Variants in TBC1D4 observed in about 807,000 individuals in gnomAD.
TBC1D4 encodes TBC (Tre-2, BUB2, CDC16) domain-containing protein.
TBC1D4 carries 121 observed loss-of-function variants against 142.5 expected under a neutral mutation model. The ratio of observed to expected loss-of-function variants is 0.85; its 90% CI spans 0.73 to 0.99. The LOEUF is 0.99. TBC1D4 is among the 50% of genes least tolerant of loss of function. TBC1D4 has a pLI of 0.00. For synonymous variants in TBC1D4, 630 were observed against 628.2 expected, an observed-to-expected ratio of 1.00 and a Z score of -0.04; for missense variants, 1,475 against 1,606.6, an observed-to-expected ratio of 0.92 and a Z score of 1.40.
intron 8 of TBC1D4, among the ~76,000 whole-genome samples, chr13:75,331,330 C>T (rs968287189): frequency 3.4e-5 from 5 of 148,938 alleles, no homozygotes; most frequent in Non-Finnish European, 7.4e-5. Context: ...CCTGTCTGTA[C>T]AAAAAAAAAT....
chr13:75,349,384 G>A, intron 4 of TBC1D4, 82 bp from the exon 5 acceptor site: 4 of 1,553,748 alleles, frequency 2.6e-6, no homozygotes, highest in Middle Eastern at 3.8e-4. Context: ...GTGAGCCTTT[G>A]TTGATGCTGA....
chr13:75,312,424 A>AGAAAGAAAG (rs1555301658), intron 13 of TBC1D4, among the ~76,000 whole-genome samples: 4 of 136,004 alleles, frequency 2.9e-5, no homozygotes, highest in Non-Finnish European at 6.1e-5. Flanking sequence ...GGGAAAAAAA[A>AGAAAGAAAG]AAAGAAAGAA....
intron 8 of TBC1D4, among the ~76,000 whole-genome samples, chr13:75,328,509 T>C (rs916250835): frequency 2.0e-5 from 3 of 152,186 alleles, no homozygotes; most frequent in African/African-American, 7.2e-5. Context: ...TAAGAGATTA[T>C]TCTTTCTGTT....
chr13:75,420,344 CA>C (rs1420259927), intron 1 of TBC1D4, among the ~76,000 whole-genome samples: 1 of 151,924 alleles, frequency 6.6e-6, no homozygotes, highest in Non-Finnish European at 1.5e-5. Context: ...CAGAGAGCCA[CA>C]AAAATAGTTA....
intron 12 of TBC1D4, among the ~76,000 whole-genome samples, chr13:75,319,546 G>A (rs1436562382): frequency 2.6e-5 from 4 of 152,200 alleles, no homozygotes; most frequent in African/African-American, 9.7e-5. Flanking sequence ...AGTGACCAAC[G>A]TGACAGGAAT....
chr13:75,392,638 C>A (rs933025216), intron 1 of TBC1D4, among the ~76,000 whole-genome samples: 9 of 149,518 alleles, frequency 6.0e-5, no homozygotes, highest in Admixed American at 1.3e-4. Flanking sequence ...TACTTCTTCA[C>A]CTTCTTCTTT....
At chr13:75,404,235 A>G (rs1368121601) in intron 1 of TBC1D4, among the ~76,000 whole-genome samples, 1 of 152,234 alleles carries the variant, frequency 6.6e-6, no homozygotes, top group African/African-American at 2.4e-5. Context: ...AGTACTTTTT[A>G]AAAGATGTAT....
At chr13:75,304,694 C>T (rs544863522) in intron 15 of TBC1D4, among the ~76,000 whole-genome samples, 22 of 151,728 alleles carry the variant, frequency 1.4e-4, no homozygotes, top group Middle Eastern at 3.4e-3. Flanking sequence ...AGGAGAGGAC[C>T]GCATAAAGGC....
At chr13:75,351,495 C>G (rs889575561) in intron 4 of TBC1D4, among the ~76,000 whole-genome samples, 1 of 151,574 alleles carries the variant, frequency 6.6e-6, no homozygotes, top group Non-Finnish European at 1.5e-5. Flanking sequence ...TGTATACATG[C>G]GCCATGTTGG....
At chr13:75,298,165 T>A (rs968935022) in intron 17 of TBC1D4, among the ~76,000 whole-genome samples, 3 of 152,236 alleles carry the variant, frequency 2.0e-5, no homozygotes, top group Non-Finnish European at 2.9e-5. Context: ...AGCACAGTAT[T>A]ATGATGAACT....
At chr13:75,318,968 C>T (rs1409009760) in intron 12 of TBC1D4, among the ~76,000 whole-genome samples, 2 of 151,938 alleles carry the variant, frequency 1.3e-5, no homozygotes, top group Non-Finnish European at 2.9e-5. Flanking sequence ...TTCAATCTAT[C>T]CATGTGTAAA....
chr13:75,342,160 G>T (rs940422909), intron 5 of TBC1D4, among the ~76,000 whole-genome samples: 1 of 152,136 alleles, frequency 6.6e-6, no homozygotes, highest in Admixed American at 6.5e-5. Flanking sequence ...TCGAGCCACT[G>T]CACTCCAGCC....
chr13:75,309,556 A>T (rs543405998), intron 14 of TBC1D4, among the ~76,000 whole-genome samples: 1 of 152,326 alleles, frequency 6.6e-6, no homozygotes, highest in South Asian at 2.1e-4. Context: ...TCACATTCAA[A>T]GAAAAGAAAA....
At chr13:75,328,703 C>A (rs1030559713) in intron 8 of TBC1D4, among the ~76,000 whole-genome samples, 3 of 152,154 alleles carry the variant, frequency 2.0e-5, no homozygotes, top group Non-Finnish European at 4.4e-5. Context: ...CCAGTCAGAT[C>A]CATGTGACAG....
chr13:75,375,508 T>C (rs569392368), intron 1 of TBC1D4: 1 of 152,278 alleles, frequency 6.6e-6, no homozygotes, highest in Non-Finnish European at 1.5e-5. Flanking sequence ...AAATAGCAAT[T>C]GATTACACAA....
At chr13:75,372,274 C>CT (rs5804806) in intron 1 of TBC1D4, among the ~76,000 whole-genome samples, 141,856 of 148,036 alleles carry the variant, frequency 0.96, 67,946 homozygotes, top group East Asian at 0.99. Flanking sequence ...TTAAGGCTCA[C>CT]TTTTTTTTTT....
chr13:75,479,226 A>G (rs989535379), intron 1 of TBC1D4, among the ~76,000 whole-genome samples: 4 of 152,202 alleles, frequency 2.6e-5, no homozygotes, highest in African/African-American at 9.6e-5. Context: ...CTGGCCCTTC[A>G]AATTAATAAC....
intron 1 of TBC1D4, among the ~76,000 whole-genome samples, chr13:75,411,302 G>A (rs1478089767): frequency 1.3e-5 from 2 of 152,134 alleles, no homozygotes; most frequent in Non-Finnish European, 2.9e-5. Flanking sequence ...GTATGAAACA[G>A]GAGGGCTTAA....
Position 75,327,733 on chromosome 13 carries a change from A to G in TBC1D4, c.1806+19T>C, listed in dbSNP as rs368241685. ...CTTTGTTAAGTTGCAATTAGTGTAA[A>G]CAAGCTCTAGTTAGATACCTTCTCT... On this transcript the variant is annotated intron_variant, in intron 9 of 20. Transcript: ENST00000377636. 2.7e-5 allele frequency: 44 copies of G among 1,613,638 alleles called. No homozygotes were observed. Among genetic ancestry groups the G allele is most frequent in the Non-Finnish European group, 3.6e-5 (42 of 1,179,710 alleles).
Sources: gnomAD v4.1 joint callset for allele counts (sites outside exome capture counted in the v4.1 genomes callset) on GRCh38, gnomAD v4.1.1 for gene constraint, MANE v1.5 for transcripts, NCBI Gene and HGNC (gene_info 2026-07-23, HGNC 2026-07-21) for gene names.